VPS35: variants seen among roughly 807,000 people sequenced by gnomAD.
VPS35 encodes VPS35 retromer complex component, also known as vacuolar protein sorting-associated protein 35.
In VPS35, 21 loss-of-function variants were observed where a neutral mutation model predicts 98.1. The observed-to-expected ratio is 0.21, with a 90% confidence interval of 0.15 to 0.31. The LOEUF is 0.31. Among genes scored for constraint, VPS35 ranks in the 10% least tolerant of loss-of-function variants. The pLI is 1.00. For synonymous variants in VPS35, 268 were observed against 318.2 expected (o/e 0.84, Z 1.68); for missense variants, 554 against 950.8 (o/e 0.58, Z 5.49).
Position 46,672,433 on chromosome 16 carries a change from T to G in VPS35, c.1200A>C (p.Arg400Ser). ...AAGTGTCAACTGGTATTTTCAAAAG[T>G]CTGGTGAGTTCCTTTGAAACTGCAC... ...TSSAVSKELT[R>S]LLKIPVDTYN... Residue 400 changes from arginine to serine, a missense_variant, in exon 11 of 17, where the codon AGA becomes AGC. By Grantham distance (110) the Arg-to-Ser change is moderately radical. Coordinates refer to ENST00000299138, the MANE Select transcript of VPS35 (RefSeq NM_018206.6). The G allele has an allele frequency of 6.2e-7, 1 of 1,613,184 alleles. No individual in the cohort carries two copies. Among genetic ancestry groups the G allele is most frequent in the Non-Finnish European group, 8.5e-7 (1 of 1,179,862 alleles).
At chr16:46,668,778 G>C (rs2143006968) in intron 13 of VPS35, 152 bp downstream of exon 13, 1 of 1,075,300 alleles carries the variant, frequency 9.3e-7, no homozygotes, top group East Asian at 2.7e-5. Flanking sequence ...CACAGGATAA[G>C]TAACAAATAG....
chr16:46,661,557 T>C lies in VPS35; in HGVS notation c.2211+161A>G. 2.7e-6 allele frequency: 2 copies of C among 745,288 alleles called. No homozygotes were observed. The highest frequency in any genetic ancestry group is 1.8e-5 in the South Asian group (1 of 54,448). The allele number at this position is 745,288 out of a possible 1,614,324, so 46.2% of individuals were successfully genotyped here. ...GGAATTATCTTAAACTAGAACATTA[T>C]GACAAATTAGCCTATTATTTGACAT... On this transcript the variant is annotated intron_variant, in intron 16 of 16. Transcript: ENST00000299138. The surrounding 1 kb of genome is among the most constrained non-coding windows in gnomAD (Gnocchi z 4.3).
At chr16:46,676,163 T>C (rs1966148447) in intron 8 of VPS35, among the ~76,000 whole-genome samples, 2 of 151,378 alleles carry the variant, frequency 1.3e-5, no homozygotes, top group Non-Finnish European at 2.9e-5. Context: ...AATGTGATGA[T>C]AGAGTGATTA....
chr16:46,668,823 G>T, intron 13 of VPS35, 107 bp downstream of exon 13: 1 of 1,471,432 alleles, frequency 6.8e-7, no homozygotes, highest in Non-Finnish European at 9.3e-7. Context: ...TTATACCACT[G>T]TCTATTTTTG....
intron 7 of VPS35, 152 bp from the exon 8 acceptor site, chr16:46,676,844 G>T (rs1419393635): frequency 4.5e-6 from 3 of 672,878 alleles, no homozygotes; most frequent in Non-Finnish European, 8.1e-6. Flanking sequence ...CTAAACATAA[G>T]CTCAGACAGA....
chr16:46,687,867 T>G (rs1251890749), intron 1 of VPS35, among the ~76,000 whole-genome samples: 2 of 152,008 alleles, frequency 1.3e-5, no homozygotes, highest in Non-Finnish European at 2.9e-5. Context: ...CCCAATAAAA[T>G]TCATGAGGAC....
intron 13 of VPS35, among the ~76,000 whole-genome samples, chr16:46,665,544 G>A (rs776563534): frequency 6.8e-5 from 10 of 147,318 alleles, no homozygotes; most frequent in Non-Finnish European, 1.2e-4. Context: ...GCAGTGAGCC[G>A]TAATCATACC....
rs1216574534 is a variant in VPS35 at position 46,659,416 on chromosome 16, A to T, written c.*1056T>A. ...TAAGTTTTGGGATGGTTTATTATATAGTAGGTAACTAGTATCGGTGGTGAG... is the reference window on the plus strand; with the variant it reads ...TAAGTTTTGGGATGGTTTATTATATTGTAGGTAACTAGTATCGGTGGTGAG... On this transcript the variant is annotated 3_prime_UTR_variant, in exon 17 of 17. Coordinates refer to ENST00000299138, the MANE Select transcript of VPS35 (RefSeq NM_018206.6). 6.6e-6 allele frequency: 1 copy of T among 152,222 alleles called. No homozygotes were observed. The highest frequency in any genetic ancestry group is 1.5e-5 in the Non-Finnish European group (1 of 68,048). 9.4% of individuals were successfully genotyped at this position (152,222 alleles called of 1,614,324 possible). A position where few individuals can be genotyped will look rare whatever the true frequency, so the allele number is the denominator to read the frequency against.
At chr16:46,684,673 G>A (rs1244406981) in intron 1 of VPS35, among the ~76,000 whole-genome samples, 2 of 152,240 alleles carry the variant, frequency 1.3e-5, no homozygotes, top group Middle Eastern at 3.4e-3. Context: ...TATTATAAAT[G>A]ACGGTCATTT....
chr16:46,665,017 T>G (rs1965967622), intron 13 of VPS35, among the ~76,000 whole-genome samples: 1 of 152,214 alleles, frequency 6.6e-6, no homozygotes, highest in Non-Finnish European at 1.5e-5. Context: ...TTAGTATAAA[T>G]TCTTGGAATT....
rs1043840398 is a variant in VPS35 at position 46,656,163 on chromosome 16, T to G, written c.*4309A>C. ...CGTGCATAGATTTTACATTTTACAT[T>G]TGCAAAACCATACTAGAAGATACGG... On this transcript the variant is annotated 3_prime_UTR_variant, in exon 17 of 17. Transcript: ENST00000299138. The G allele has an allele frequency of 2.0e-5, 3 of 152,214 alleles. No individual in the cohort carries two copies. Among genetic ancestry groups the G allele is most frequent in the African/African-American group, 7.2e-5 (3 of 41,464 alleles). The allele number at this position is 152,214 out of a possible 1,614,324, so 9.4% of individuals were successfully genotyped here. A position where few individuals can be genotyped will look rare whatever the true frequency, so the allele number is the denominator to read the frequency against.
Position 46,674,408 on chromosome 16 carries a change from T to A in VPS35, c.1066A>T (p.Asn356Tyr). 6.2e-7 allele frequency: 1 copy of A among 1,613,882 alleles called. No homozygotes were observed. The highest frequency in any genetic ancestry group is 1.1e-5 in the South Asian group (1 of 91,060). ...TCAGGGTAACATTTCATGGCAAGAT[T>A]AATCAGAGAGACTTGTAAAGATACA... ...DVVSLQVSLI[N>Y]LAMKCYPDRV... The change falls in exon 10 of 17, where the codon AAT becomes TAT. Residue 356 changes from asparagine to tyrosine, a missense_variant. By Grantham distance (143) the Asn-to-Tyr change is moderately radical. This residue lies in a region of VPS35 where 254 missense variants were observed against 390.1 expected (regional missense o/e 0.65). Coordinates refer to ENST00000299138, the MANE Select transcript of VPS35 (RefSeq NM_018206.6).
chr16:46,682,400 A>G lies in VPS35; in HGVS notation c.103-225T>C, dbSNP rs1966248651. The stretch of plus-strand genomic sequence containing the variant: ...CTTAGTAAGACTTAACATAGCTAAG[A>G]CTGCAAGCTTCTTGATAGAATGCTA... On this transcript the variant is annotated intron_variant, in intron 2 of 16. Transcript: ENST00000299138. 4 of 492,114 alleles carry G rather than the reference A, an allele frequency of 8.1e-6. No individual in the cohort carries two copies. In the South Asian group the frequency reaches 8.9e-5, roughly 11 times the overall value. The allele number at this position is 492,114 out of a possible 1,614,324, so 30.5% of individuals were successfully genotyped here.
rs749549652 is a variant in VPS35 at position 46,661,890 on chromosome 16, A to G, written c.2068-29T>C. ...AAATAAAAGGGCAGGGGGACAGTGA[A>G]GAGATTAATGAAACATCTCGTTTTC... On this transcript the variant is annotated intron_variant, in intron 15 of 16. Coordinates refer to ENST00000299138, the MANE Select transcript of VPS35 (RefSeq NM_018206.6). The surrounding 1 kb of genome is among the most constrained non-coding windows in gnomAD (Gnocchi z 4.3). The G allele has an allele frequency of 1.2e-5, 20 of 1,613,998 alleles. No homozygotes were observed. In the South Asian group the frequency reaches 2.2e-4, roughly 18 times the overall value.
In VPS35 at chr16:46,663,643, C is replaced by T. The variant is rs558056633; in HGVS notation, c.1648-481G>A. On this transcript the variant is annotated intron_variant, in intron 13 of 16. Transcript: ENST00000299138. ...AACTCCTGACCTCAAGTGATCTGCC[C>T]GCCTCAGCCTCCCAAAGTGCTGGGA... is the stretch of plus-strand genomic sequence containing the variant. 3.7e-3 allele frequency among the ~76,000 whole-genome samples: 569 copies of T among 151,848 alleles called. 4 individuals carry two copies. Among genetic ancestry groups the T allele is most frequent in the African/African-American group, 0.013 (551 of 41,410 alleles).
intron 14 of VPS35, 71 bp downstream of exon 14, chr16:46,662,912 C>T: frequency 6.4e-7 from 1 of 1,561,608 alleles, no homozygotes; most frequent in Non-Finnish European, 8.8e-7. Flanking sequence ...TGTGCATTAC[C>T]ACCATGCCTG....
At position 46,661,692 on chromosome 16, in the gene VPS35, T is replaced by C; in HGVS notation, c.2211+26A>G. On this transcript the variant is annotated intron_variant, in intron 16 of 16. Coordinates refer to ENST00000299138, the MANE Select transcript of VPS35 (RefSeq NM_018206.6). The surrounding 1 kb of genome is among the most constrained non-coding windows in gnomAD (Gnocchi z 4.3). ...GTAGGAAGGGAAAATATTAGTTTAT[T>C]AACAACACTTTACTAATTCACTTAC... 6.3e-7 allele frequency: 1 copy of C among 1,585,548 alleles called. No individual in the cohort carries two copies. The highest frequency in any genetic ancestry group is 8.7e-7 in the Non-Finnish European group (1 of 1,154,362).
chr16:46,661,026 A>G lies in VPS35; in HGVS notation c.2212-375T>C, dbSNP rs1001613992. On this transcript the variant is annotated intron_variant, in intron 16 of 16. Transcript: ENST00000299138. The surrounding 1 kb of genome is among the most constrained non-coding windows in gnomAD (Gnocchi z 4.3). ...GCTGGGCGTGGTGCCGGGCGCCTAT[A>G]ATACCAGCTATTCAGGAGGCTGAGG... The G allele has an allele frequency of 2.8e-6, 1 of 351,126 alleles. No individual in the cohort carries two copies. Among genetic ancestry groups the G allele is most frequent in the Non-Finnish European group, 5.5e-6 (1 of 181,368 alleles). 21.8% of individuals were successfully genotyped at this position (351,126 alleles called of 1,614,324 possible). A position where few individuals can be genotyped will look rare whatever the true frequency, so the allele number is the denominator to read the frequency against.
At chr16:46,676,791 C>A in intron 7 of VPS35, 99 bp from the exon 8 acceptor site, 1 of 815,566 alleles carries the variant, frequency 1.2e-6, no homozygotes, top group South Asian at 1.4e-5. Context: ...ACACTGTATT[C>A]TTATACAACT....
Sources: allele counts gnomAD v4.1 joint callset (sites outside exome capture counted in the v4.1 genomes callset), GRCh38; gene constraint gnomAD v4.1.1; regional missense constraint gnomAD v4.1.1; non-coding constraint Gnocchi (gnomAD v3.1); transcripts MANE v1.5; gene names NCBI Gene and HGNC (gene_info 2026-07-23, HGNC 2026-07-21).